YEATS2: variants seen among roughly 807,000 people sequenced by gnomAD.
YEATS2 encodes the protein YEATS domain-containing protein 2.
YEATS2 carries 77 observed loss-of-function variants against 163.2 expected under a neutral mutation model. That is an observed-to-expected ratio of 0.47 (90% CI 0.39 to 0.57). The LOEUF is 0.57. Ranked by LOEUF, YEATS2 falls within the 20% of genes least tolerant of loss-of-function variation. The pLI is 0.00. For synonymous variants in YEATS2, 631 were observed against 645.1 expected, an observed-to-expected ratio of 0.98 and a Z score of 0.33; for missense variants, 1,549 against 1,729.8, an observed-to-expected ratio of 0.90 and a Z score of 1.85.
At chr3:183,783,665 T>G (rs1723788129) in intron 19 of YEATS2, among the ~76,000 whole-genome samples, 1 of 152,238 alleles carries the variant, frequency 6.6e-6, no homozygotes, top group African/African-American at 2.4e-5. Flanking sequence ...TTTTCTGTCC[T>G]GCATTCATTC....
At chr3:183,785,691 G>A (rs550145579) in intron 19 of YEATS2, among the ~76,000 whole-genome samples, 1 of 151,998 alleles carries the variant, frequency 6.6e-6, no homozygotes, top group Non-Finnish European at 1.5e-5. Context: ...TATGTAATTT[G>A]TAAATGGTTC....
intron 1 of YEATS2, among the ~76,000 whole-genome samples, chr3:183,699,039 A>G (rs544879674): frequency 2.0e-5 from 3 of 152,298 alleles, no homozygotes; most frequent in South Asian, 4.1e-4. Flanking sequence ...TCCGACTGCT[A>G]TGTAGAGGAA....
intron 27 of YEATS2, chr3:183,806,492 G>A (rs758778532): frequency 2.3e-6 from 1 of 432,826 alleles, no homozygotes; most frequent in East Asian, 7.0e-5. Context: ...GAGAATAGGG[G>A]TGATTCTTTT....
At chr3:183,807,878 C>T (rs111384902) in intron 28 of YEATS2, 152 bp from the exon 29 acceptor site, 17 of 588,700 alleles carry the variant, frequency 2.9e-5, no homozygotes, top group South Asian at 1.1e-4. Context: ...TGTTATATTC[C>T]GTGTTCCTTT....
At chr3:183,808,146 A>C (rs1241487564) in intron 29 of YEATS2, 42 bp downstream of exon 29, 1 of 1,529,204 alleles carries the variant, frequency 6.5e-7, no homozygotes, top group South Asian at 1.2e-5. Flanking sequence ...GGATGGTTGC[A>C]TCCCAGGCGG....
At chr3:183,742,035 C>T (rs939671323) in intron 8 of YEATS2, among the ~76,000 whole-genome samples, 4 of 146,860 alleles carry the variant, frequency 2.7e-5, no homozygotes, top group Admixed American at 2.1e-4. Flanking sequence ...ATAATAAGAC[C>T]TCATCTCTAC....
chr3:183,771,211 A>G (rs1722424184), intron 15 of YEATS2, among the ~76,000 whole-genome samples: 1 of 152,146 alleles, frequency 6.6e-6, no homozygotes, highest in Non-Finnish European at 1.5e-5. Context: ...TTTTTCCCCC[A>G]ATCTGATGGG....
rs1716150379 is a variant in YEATS2 at position 183,718,577 on chromosome 3, T to C, written c.276T>C (p.Leu92=). Residue 92 remains leucine, a synonymous_variant, in exon 4 of 31, where the codon CTT becomes CTC. Transcript: ENST00000305135. ...IVANYYASAG[L]LKVSEGSKTC... ...CAAACTACTATGCTTCTGCAGGTCTTCTAAAAGTTTCTGAGGTAAGCATTC... is the reference window on the plus strand; with the variant it reads ...CAAACTACTATGCTTCTGCAGGTCTCCTAAAAGTTTCTGAGGTAAGCATTC... The C allele has an allele frequency of 6.2e-7, 1 of 1,612,100 alleles. No individual in the cohort carries two copies. Among genetic ancestry groups the C allele is most frequent in the Non-Finnish European group, 8.5e-7 (1 of 1,179,278 alleles).
chr3:183,782,733 C>G (rs1230475483), intron 19 of YEATS2, among the ~76,000 whole-genome samples: 1 of 152,098 alleles, frequency 6.6e-6, no homozygotes, highest in African/African-American at 2.4e-5. Context: ...CAGAGTGATT[C>G]TATTTTTGTT....
chr3:183,804,209 C>T lies in YEATS2; in HGVS notation c.3784+21C>T, dbSNP rs184992947. On this transcript the variant is annotated intron_variant, in intron 27 of 30. Coordinates refer to ENST00000305135, the MANE Select transcript of YEATS2 (RefSeq NM_018023.5). ...GCCCGGTAAGCCTTCAGTGGCACTGCCCAGAGCGCCTGGCAGCCTGGAGGC... is the reference window on the plus strand; with the variant it reads ...GCCCGGTAAGCCTTCAGTGGCACTGTCCAGAGCGCCTGGCAGCCTGGAGGC... 1.1e-3 allele frequency: 1,763 copies of T among 1,613,264 alleles called. 1 individual carries two copies. Among genetic ancestry groups the T allele is most frequent in the Non-Finnish European group, 1.3e-3 (1,520 of 1,179,652 alleles).
intron 21 of YEATS2, among the ~76,000 whole-genome samples, chr3:183,793,987 C>T (rs550839195): frequency 1.3e-5 from 2 of 152,256 alleles, no homozygotes; most frequent in South Asian, 2.1e-4. Flanking sequence ...TTGTGTGCAT[C>T]GTAAACTGCA....
intron 6 of YEATS2, 103 bp from the exon 7 acceptor site, chr3:183,728,587 G>T (rs1196802345): frequency 9.3e-6 from 10 of 1,079,910 alleles, no homozygotes; most frequent in African/African-American, 3.2e-5. Flanking sequence ...GTTAAATATT[G>T]CAGGAATTTT....
At chr3:183,806,681 T>G (rs1194053390) in intron 27 of YEATS2, 185 bp from the exon 28 acceptor site, 2 of 615,526 alleles carry the variant, frequency 3.2e-6, no homozygotes, top group African/African-American at 3.7e-5. Flanking sequence ...ATGCCTGTGT[T>G]TATGCCTTTC....
At chr3:183,714,034 A>C (rs983970318) in intron 1 of YEATS2, among the ~76,000 whole-genome samples, 1 of 151,948 alleles carries the variant, frequency 6.6e-6, no homozygotes, top group African/African-American at 2.4e-5. Context: ...CGAACTCCTG[A>C]CCTCGTGATC....
At chr3:183,798,135 T>G in intron 22 of YEATS2, 84 bp downstream of exon 22, 1 of 1,575,794 alleles carries the variant, frequency 6.3e-7, no homozygotes, top group East Asian at 2.3e-5. Flanking sequence ...GCTCTGCCTG[T>G]GTACAGCCAC....
At chr3:183,771,067 G>T (rs1383868538) in intron 15 of YEATS2, among the ~76,000 whole-genome samples, 1 of 152,166 alleles carries the variant, frequency 6.6e-6, no homozygotes, top group Non-Finnish European at 1.5e-5. Flanking sequence ...CTATACGGGG[G>T]TATGTGAATT....
intron 1 of YEATS2, 91 bp from the exon 2 acceptor site, chr3:183,715,053 C>T (rs1474855470): frequency 2.5e-5 from 17 of 676,446 alleles, no homozygotes; most frequent in Non-Finnish European, 3.8e-5. Flanking sequence ...TGTTTGTACA[C>T]ATATATTTGT....
chr3:183,794,415 G>T (rs1724948712), intron 21 of YEATS2, among the ~76,000 whole-genome samples: 1 of 152,184 alleles, frequency 6.6e-6, no homozygotes, highest in African/African-American at 2.4e-5. Context: ...CTAGCATACT[G>T]CTGCTTTTCA....
intron 25 of YEATS2, chr3:183,802,480 CTTA>C (rs1268030711): frequency 2.0e-5 from 2 of 99,146 alleles, no homozygotes; most frequent in Non-Finnish European, 4.1e-5. Flanking sequence ...AAAAATCTCT[CTTA>C]TATATGTGTG....
Sources: gnomAD v4.1 joint callset for allele counts (sites outside exome capture counted in the v4.1 genomes callset) on GRCh38, gnomAD v4.1.1 for gene constraint, MANE v1.5 for transcripts, NCBI Gene and HGNC (gene_info 2026-07-23, HGNC 2026-07-21) for gene names.